BTRC: variants seen among roughly 807,000 people sequenced by gnomAD.
BTRC encodes the protein F-box/WD repeat-containing protein 1A.
BTRC carries 42 observed loss-of-function variants against 85.5 expected under a neutral mutation model. The observed-to-expected ratio is 0.49, with a 90% confidence interval of 0.38 to 0.64. BTRC has a LOEUF of 0.64. Among genes scored for constraint, BTRC ranks in the 30% least tolerant of loss-of-function variants. The pLI is 0.00. For missense variants in BTRC, 594 were observed against 743.5 expected, an observed-to-expected ratio of 0.80 and a Z score of 2.34; for synonymous variants, 255 against 263.3, an observed-to-expected ratio of 0.97 and a Z score of 0.30.
intron 7 of BTRC, 75 bp from the exon 8 acceptor site, chr10:101,532,219 AT>A: frequency 6.8e-7 from 1 of 1,475,714 alleles, no homozygotes; most frequent in Non-Finnish European, 9.1e-7. Flanking sequence ...TGAGCCATTG[AT>A]TGTCATTAAA....
At chr10:101,367,046 A>ATC in intron 1 of BTRC, among the ~76,000 whole-genome samples, 1 of 39,722 alleles carries the variant, frequency 2.5e-5, no homozygotes, top group East Asian at 3.5e-4. Flanking sequence ...ATATATAAAT[A>ATC]TATATATATA....
chr10:101,536,133 G>A (rs1014097191), intron 11 of BTRC, among the ~76,000 whole-genome samples: 1 of 152,230 alleles, frequency 6.6e-6, no homozygotes, highest in African/African-American at 2.4e-5. Flanking sequence ...TGAAAGAAGT[G>A]TCTGCCGTGG....
At chr10:101,401,798 A>AC (rs1176271778) in intron 1 of BTRC, among the ~76,000 whole-genome samples, 1 of 150,444 alleles carries the variant, frequency 6.6e-6, no homozygotes, top group Non-Finnish European at 1.5e-5. Flanking sequence ...TGATTATGCC[A>AC]CTGCACTCCA....
chr10:101,506,703 T>C (rs1410613779), intron 4 of BTRC, among the ~76,000 whole-genome samples: 3 of 152,222 alleles, frequency 2.0e-5, no homozygotes, highest in Non-Finnish European at 4.4e-5. Context: ...TCAATCTCAG[T>C]TGACTAACCC....
At chr10:101,458,586 G>T (rs1288513692) in intron 2 of BTRC, among the ~76,000 whole-genome samples, 2 of 152,122 alleles carry the variant, frequency 1.3e-5, no homozygotes, top group African/African-American at 4.8e-5. Flanking sequence ...GTTTCCAATT[G>T]CCTCAACAGT....
chr10:101,384,238 A>C (rs557859833), intron 1 of BTRC, among the ~76,000 whole-genome samples: 29 of 152,362 alleles, frequency 1.9e-4, no homozygotes, highest in African/African-American at 6.7e-4. Flanking sequence ...CTTTTACAGA[A>C]GTTGGCCATC....
At chr10:101,435,701 G>A (rs1944510441) in intron 2 of BTRC, among the ~76,000 whole-genome samples, 2 of 151,840 alleles carry the variant, frequency 1.3e-5, no homozygotes, top group South Asian at 4.2e-4. Flanking sequence ...ATTTCTCTTA[G>A]GTACATGTCT....
At chr10:101,422,386 A>G (rs1216884476) in intron 1 of BTRC, among the ~76,000 whole-genome samples, 1 of 152,022 alleles carries the variant, frequency 6.6e-6, no homozygotes, top group African/African-American at 2.4e-5. Flanking sequence ...TTGTCAGAGG[A>G]GTAGATTGCA....
At chr10:101,524,638 C>A (rs1212792382) in intron 5 of BTRC, among the ~76,000 whole-genome samples, 1 of 152,090 alleles carries the variant, frequency 6.6e-6, no homozygotes, top group Admixed American at 6.5e-5. Context: ...TGATCAGGAA[C>A]AATTTGATGG....
At chr10:101,459,603 GTT>G (rs1945169905) in intron 2 of BTRC, among the ~76,000 whole-genome samples, 1 of 151,944 alleles carries the variant, frequency 6.6e-6, no homozygotes, top group Admixed American at 6.6e-5. Context: ...CCCATTTTTT[GTT>G]TAAGAGTTAT....
intron 13 of BTRC, among the ~76,000 whole-genome samples, chr10:101,545,388 G>A (rs372275322): frequency 3.3e-5 from 5 of 152,272 alleles, no homozygotes; most frequent in East Asian, 1.9e-4. Flanking sequence ...AAAGTAAATG[G>A]TTAGCGAAAG....
intron 4 of BTRC, among the ~76,000 whole-genome samples, chr10:101,486,846 C>T (rs1188047731): frequency 6.6e-6 from 1 of 152,142 alleles, no homozygotes; most frequent in Non-Finnish European, 1.5e-5. Flanking sequence ...GAATATCAGA[C>T]CTTTCTGTGG....
At chr10:101,421,565 C>A (rs1944100676) in intron 1 of BTRC, among the ~76,000 whole-genome samples, 1 of 151,126 alleles carries the variant, frequency 6.6e-6, no homozygotes, top group East Asian at 2.0e-4. Context: ...GTGCTGCACC[C>A]ATTAACTCGT....
At position 101,464,710 on chromosome 10, in the gene BTRC, G is replaced by T. The variant is rs1945326732; in HGVS notation, c.234+2652G>T. 2.0e-5 allele frequency among the ~76,000 whole-genome samples: 3 copies of T among 152,264 alleles called. No individual in the cohort carries two copies. The South Asian group carries it at 6.2e-4, about 32-fold the overall frequency. ...CATGAACTCAATGTTCTTGGAAAGA[G>T]AAATGGCCTTTAGAAACAGGGAAGT... On this transcript the variant is annotated intron_variant, in intron 3 of 14. Transcript: ENST00000370187.
At chr10:101,517,063 A>C in intron 4 of BTRC, among the ~76,000 whole-genome samples, 1 of 152,116 alleles carries the variant, frequency 6.6e-6, no homozygotes, top group East Asian at 1.9e-4. Context: ...ATGAGTTTTC[A>C]TTTCTGAGAT....
chr10:101,366,790 T>TCATATATA (rs1448574403), intron 1 of BTRC, among the ~76,000 whole-genome samples: 6 of 59,128 alleles, frequency 1.0e-4, no homozygotes, highest in Non-Finnish European at 3.7e-5. Flanking sequence ...ATATATATAT[T>TCATATATA]TTTACATTTA....
At chr10:101,477,482 T>C (rs1463684878) in intron 3 of BTRC, among the ~76,000 whole-genome samples, 3 of 152,240 alleles carry the variant, frequency 2.0e-5, no homozygotes, top group Admixed American at 2.0e-4. Flanking sequence ...ACCAATGTTT[T>C]GTTTTGTTTT....
intron 2 of BTRC, among the ~76,000 whole-genome samples, chr10:101,445,291 A>G (rs957132758): frequency 6.6e-6 from 1 of 152,182 alleles, no homozygotes; most frequent in East Asian, 1.9e-4. Context: ...TCATTCCTGC[A>G]TCTTACTGGT....
chr10:101,550,832 C>T lies in BTRC; in HGVS notation c.1790C>T (p.Ser597Phe). ...AAQAEPPRSPSRTYTYISR is the reference protein window; with the variant it reads ...AAQAEPPRSPFRTYTYISR ...CAAGCTGAACCCCCCCGTTCCCCTTCTCGAACATACACCTACATCTCCAGA... is the reference window on the plus strand; with the variant it reads ...CAAGCTGAACCCCCCCGTTCCCCTTTTCGAACATACACCTACATCTCCAGA... The change falls in exon 14 of 15, where the codon TCT (serine) becomes TTT (phenylalanine). Residue 597 changes from serine to phenylalanine, a missense_variant. By Grantham distance (155) the Ser-to-Phe change is radical. Around this residue, in one of 4 missense-constraint regions of BTRC, gnomAD observed 56 missense variants for 39.6 expected, o/e 1.41. Transcript: ENST00000370187. 1 of 1,614,092 alleles carries T rather than the reference C, an allele frequency of 6.2e-7. No homozygotes were observed. The highest frequency in any genetic ancestry group is 8.5e-7 in the Non-Finnish European group (1 of 1,179,950).
Sources: allele counts gnomAD v4.1 joint callset (sites outside exome capture counted in the v4.1 genomes callset), GRCh38; gene constraint gnomAD v4.1.1; regional missense constraint gnomAD v4.1.1; transcripts MANE v1.5; gene names NCBI Gene and HGNC (gene_info 2026-07-23, HGNC 2026-07-21).